PYROXD2: variants seen among roughly 807,000 people sequenced by gnomAD.
The protein encoded by PYROXD2 is pyridine nucleotide-disulfide oxidoreductase domain-containing protein 2.
A neutral mutation model predicts 71.1 loss-of-function variants in PYROXD2; 69 were observed. The ratio of observed to expected loss-of-function variants is 0.97; its 90% CI spans 0.80 to 1.19. The LOEUF (loss-of-function observed/expected upper bound fraction) is 1.19. Among genes scored for constraint, PYROXD2 ranks in the 50% most tolerant of loss-of-function variants. PYROXD2 has a pLI of 0.00. For missense variants in PYROXD2, 745 were observed against 748.9 expected, an observed-to-expected ratio of 0.99 and a Z score of 0.06; for synonymous variants, 287 against 302.7, an observed-to-expected ratio of 0.95 and a Z score of 0.54.
intron 8 of PYROXD2, among the ~76,000 whole-genome samples, chr10:98,394,240 C>T (rs1233962424): frequency 1.3e-5 from 2 of 152,138 alleles, no homozygotes; most frequent in East Asian, 3.9e-4. Flanking sequence ...TTAAAGATCA[C>T]AAACGGAGCA....
chr10:98,393,621 T>C (rs1843030905), intron 8 of PYROXD2, among the ~76,000 whole-genome samples: 1 of 152,076 alleles, frequency 6.6e-6, no homozygotes, highest in Non-Finnish European at 1.5e-5. Context: ...TCTCAGCCTC[T>C]CTTCTCTTCC....
At position 98,407,508 on chromosome 10, in the gene PYROXD2, G is replaced by T. The variant is rs532183938; in HGVS notation, c.315+74C>A. 4 of 1,577,056 alleles carry T rather than the reference G, an allele frequency of 2.5e-6. No homozygotes were observed. In the South Asian group the frequency reaches 4.6e-5, roughly 18 times the overall value. Reference sequence around the variant, plus strand: ...GGGCATCACCTCGGGCACAGAACAGGGACCCCCCACACAGGTTGGGAAGAT... The same window carrying T: ...GGGCATCACCTCGGGCACAGAACAGTGACCCCCCACACAGGTTGGGAAGAT... On this transcript the variant is annotated intron_variant, in intron 4 of 15. Coordinates refer to ENST00000370575, the MANE Select transcript of PYROXD2 (RefSeq NM_032709.3).
chr10:98,392,636 C>G (rs1842986760), intron 9 of PYROXD2, 70 bp from the exon 10 acceptor site: 1 of 1,588,220 alleles, frequency 6.3e-7, no homozygotes, highest in Non-Finnish European at 8.5e-7. Context: ...TCCGGGATTT[C>G]CATGGTCTGT....
At chr10:98,387,035 G>A (rs1232575517) in intron 14 of PYROXD2, among the ~76,000 whole-genome samples, 166 bp downstream of exon 14, 3 of 152,122 alleles carry the variant, frequency 2.0e-5, no homozygotes, top group South Asian at 4.1e-4. Flanking sequence ...CCATTCCCTC[G>A]GTTTGACCGC....
chr10:98,384,880 T>A, intron 15 of PYROXD2, 67 bp downstream of exon 15: 1 of 1,507,600 alleles, frequency 6.6e-7, no homozygotes, highest in South Asian at 1.3e-5. Flanking sequence ...TTCCTCCTTC[T>A]CCAAGTCTCT....
chr10:98,401,273 A>AAAAAAC (rs149519972), intron 4 of PYROXD2, among the ~76,000 whole-genome samples: 1,375 of 121,344 alleles, frequency 0.011, 117 homozygotes, highest in African/African-American at 0.022. Context: ...AAAACAAAAA[A>AAAAAAC]AAACAAACAT....
intron 14 of PYROXD2, 96 bp downstream of exon 14, chr10:98,387,105 A>G: frequency 1.1e-6 from 1 of 898,360 alleles, no homozygotes; most frequent in Non-Finnish European, 1.7e-6. Context: ...ATGAAAGCTG[A>G]GTATGGAGGG....
chr10:98,383,776 C>G lies in PYROXD2; in HGVS notation c.*22G>C. ...GGAATTCAGGGGTGGAGTCTTCTTC[C>G]TGGGTCAGAGCTGGTTCAGGGTCAC... On this transcript the variant is annotated 3_prime_UTR_variant, in exon 16 of 16. Transcript: ENST00000370575. 1 of 1,611,104 alleles carries G rather than the reference C, an allele frequency of 6.2e-7. No homozygotes were observed. Among genetic ancestry groups the G allele is most frequent in the South Asian group, 1.1e-5 (1 of 90,998 alleles).
intron 14 of PYROXD2, among the ~76,000 whole-genome samples, chr10:98,386,068 A>C (rs1254398650): frequency 1.3e-5 from 2 of 151,596 alleles, no homozygotes; most frequent in Non-Finnish European, 2.9e-5. Flanking sequence ...CTTGAGCCCC[A>C]GAGTTTGAGA....
intron 4 of PYROXD2, among the ~76,000 whole-genome samples, chr10:98,405,123 C>G (rs967020782): frequency 6.6e-6 from 1 of 152,228 alleles, no homozygotes; most frequent in African/African-American, 2.4e-5. Flanking sequence ...TCCACCAGTG[C>G]AAAGGCTCTG....
At position 98,388,414 on chromosome 10, in the gene PYROXD2, A is replaced by G; in HGVS notation, c.1387T>C (p.Tyr463His). 1.2e-6 allele frequency: 2 copies of G among 1,613,608 alleles called. No homozygotes were observed. The highest frequency in any genetic ancestry group is 4.5e-5 in the East Asian group (2 of 44,864). Residue 463 changes from tyrosine to histidine, a missense_variant, in exon 13 of 16, where the codon TAT becomes CAT. By Grantham distance (83) the Tyr-to-His change is moderately conservative (BLOSUM62 2). Coordinates refer to ENST00000370575, the MANE Select transcript of PYROXD2 (RefSeq NM_032709.3). Reference sequence around the variant, plus strand: ...CAGGCCTTGCCTCCAGCCAGCGTATAGGGCATGTACTGAGTGAAGAGGGAG... The same window carrying G: ...CAGGCCTTGCCTCCAGCCAGCGTATGGGGCATGTACTGAGTGAAGAGGGAG... ...VVSLFTQYMP[Y>H]TLAGGKAWDE...
At chr10:98,394,786 G>A (rs1843098188) in intron 8 of PYROXD2, among the ~76,000 whole-genome samples, 1 of 152,110 alleles carries the variant, frequency 6.6e-6, no homozygotes, top group Admixed American at 6.6e-5. Flanking sequence ...GGGAGAATGG[G>A]CGTTTGCGGG....
Position 98,397,207 on chromosome 10 carries a change from C to G in PYROXD2, c.625+138G>C, listed in dbSNP as rs576548932. 525 of 1,193,972 alleles carry G rather than the reference C, an allele frequency of 4.4e-4. 2 individuals are homozygous for G. The South Asian group carries it at 5.2e-3, about 12-fold the overall frequency. 74.0% of individuals were successfully genotyped at this position (1,193,972 alleles called of 1,614,324 possible). ...CTCAACAAAGTGCTCCAGGCTGCCCCTAATTGATCGCAGCATGTTAACTGA... is the reference window on the plus strand; with the variant it reads ...CTCAACAAAGTGCTCCAGGCTGCCCGTAATTGATCGCAGCATGTTAACTGA... On this transcript the variant is annotated intron_variant, in intron 6 of 15. Coordinates refer to ENST00000370575, the MANE Select transcript of PYROXD2 (RefSeq NM_032709.3).
At position 98,401,273 on chromosome 10, in the gene PYROXD2, A is replaced by AAAAC. The variant is rs1554879096; in HGVS notation, c.316-1020_316-1017dup. ...TGTCTCAAAAAAAAAAAAACAAAAA[A>AAAAC]AAACAAACATAGAAAAGGTACATTA... is the stretch of plus-strand genomic sequence containing the variant. On this transcript the variant is annotated intron_variant, in intron 4 of 15. Transcript: ENST00000370575. 2.5e-3 allele frequency among the ~76,000 whole-genome samples: 305 copies of AAAAC among 121,640 alleles called. 9 individuals are homozygous for AAAAC. The highest frequency in any genetic ancestry group is 4.7e-3 in the African/African-American group (128 of 27,376). 79.8% of individuals were successfully genotyped at this position (121,640 alleles called of 152,430 possible). A position where few individuals can be genotyped will look rare whatever the true frequency, so the allele number is the denominator to read the frequency against.
chr10:98,407,989 G>A lies in PYROXD2; in HGVS notation c.156C>T (p.Tyr52=), dbSNP rs535572809. The A allele has an allele frequency of 1.2e-6, 2 of 1,604,796 alleles. No homozygotes were observed. The highest frequency in any genetic ancestry group is 4.5e-5 in the East Asian group (2 of 44,628). ...CGGTGTTCACCCCCAGTCTCTGCAG[G>A]TACGCTGCCTGGGAAGTGGGGCAGC... is the stretch of plus-strand genomic sequence containing the variant. The part of the protein sequence containing the change: ...AGHNGLVAAA[Y]LQRLGVNTAV... The change falls in exon 3 of 16, where the codon TAC becomes TAT. Residue 52 remains tyrosine (Y), a synonymous_variant. Coordinates refer to ENST00000370575, the MANE Select transcript of PYROXD2 (RefSeq NM_032709.3).
chr10:98,412,834 C>CGAA (rs1843834344), intron 1 of PYROXD2, among the ~76,000 whole-genome samples: 1 of 152,124 alleles, frequency 6.6e-6, no homozygotes, highest in African/African-American at 2.4e-5. Context: ...GTCAACCTTC[C>CGAA]CCATTAGGAG....
At position 98,392,937 on chromosome 10, in the gene PYROXD2, T is replaced by C. The variant is rs1341055142; in HGVS notation, c.927+5A>G. On this transcript the variant is annotated splice_donor_5th_base_variant and intron_variant, in intron 9 of 15. Coordinates refer to ENST00000370575, the MANE Select transcript of PYROXD2 (RefSeq NM_032709.3). ...TAATTGGGGTGGGGTAGAGGGGCCG[T>C]TCACCTTTTCAGTGAAGATGCTTGC... The C allele has an allele frequency of 6.2e-7, 1 of 1,613,202 alleles. No homozygotes were observed. Among genetic ancestry groups the C allele is most frequent in the Non-Finnish European group, 8.5e-7 (1 of 1,179,596 alleles).
intron 15 of PYROXD2, 83 bp from the exon 16 acceptor site, chr10:98,383,951 G>A: frequency 8.0e-7 from 1 of 1,251,756 alleles, no homozygotes; most frequent in Non-Finnish European, 1.2e-6. Context: ...CAGAGATCCA[G>A]CAACAAAGCA....
intron 2 of PYROXD2, 82 bp from the exon 3 acceptor site, chr10:98,408,079 GGTCCTCACTATAGGCCA>G (rs1843671345): frequency 7.3e-6 from 10 of 1,370,744 alleles, no homozygotes. Context: ...CGCAGACTAA[GGTCCTCACTATAGGCCA>G]GTATGGGCCA....
Sources: allele counts gnomAD v4.1 joint callset (sites outside exome capture counted in the v4.1 genomes callset), GRCh38; gene constraint gnomAD v4.1.1; transcripts MANE v1.5; gene names NCBI Gene and HGNC (gene_info 2026-07-23, HGNC 2026-07-21).